Variants in MUC20 observed in about 807,000 individuals in gnomAD.
The protein encoded by MUC20 is mucin-20.
MUC20 carries 14 observed loss-of-function variants against 23.8 expected under a neutral mutation model. The observed-to-expected ratio is 0.59, with a 90% CI of 0.39 to 0.92. The LOEUF (loss-of-function observed/expected upper bound fraction) is 0.92, where lower values mean the gene tolerates loss of function less well. MUC20 is among the 40% of genes least tolerant of loss of function. The probability of loss-of-function intolerance (pLI) is 0.00; values close to 1 mark genes in which losing one functional copy is unlikely to be tolerated. For synonymous variants in MUC20, 166 were observed against 279.3 expected (o/e 0.59, Z 4.04); for missense variants, 375 against 668.8 (o/e 0.56, Z 4.85).
At chr3:195,730,027 A>G (rs1713206680) in intron 3 of MUC20, 2 of 362,452 alleles carry the variant, frequency 5.5e-6, no homozygotes, top group East Asian at 4.9e-5. Flanking sequence ...GGCAAAGGTC[A>G]GTGATACTGA....
chr3:195,726,664 C>G (rs1712718852), intron 2 of MUC20, 92 bp downstream of exon 2: 8 of 1,420,494 alleles, frequency 5.6e-6, no homozygotes. Context: ...AGGGAAGGAT[C>G]TGGAGCCTAC....
rs967027205 is a variant in MUC20 at position 195,733,438 on chromosome 3, C to A, written c.*220C>A. The A allele has an allele frequency of 7.0e-7, 1 of 1,427,612 alleles. No homozygotes were observed. Among genetic ancestry groups the A allele is most frequent in the African/African-American group, 1.4e-5 (1 of 69,798 alleles). 88.4% of individuals were successfully genotyped at this position (1,427,612 alleles called of 1,614,324 possible). On this transcript the variant is annotated 3_prime_UTR_variant, in exon 4 of 4. Coordinates refer to ENST00000447234, the MANE Select transcript of MUC20 (RefSeq NM_001282506.2). Reference sequence around the variant, plus strand: ...TGTGTGGGGAGGGGCTTCACCTGTTCCCAGAGGTGTCCTTGGACTCACCTT... The same window carrying A: ...TGTGTGGGGAGGGGCTTCACCTGTTACCAGAGGTGTCCTTGGACTCACCTT...
chr3:195,729,266 A>G (rs532491568), intron 2 of MUC20: 28 of 232,974 alleles, frequency 1.2e-4, no homozygotes, highest in South Asian at 7.0e-5. Context: ...TTTTCTGCAC[A>G]TGAAATGTAC....
chr3:195,728,673 C>A (rs1383740916), intron 2 of MUC20, among the ~76,000 whole-genome samples: 1 of 152,062 alleles, frequency 6.6e-6, no homozygotes, highest in East Asian at 1.9e-4. Flanking sequence ...TCAGCACAGA[C>A]CCTTTACGGG....
At position 195,726,532 on chromosome 3, in the gene MUC20, C is replaced by G; in HGVS notation, c.1929C>G (p.Pro643=). 6.2e-7 allele frequency: 1 copy of G among 1,614,038 alleles called. No homozygotes were observed. Among genetic ancestry groups the G allele is most frequent in the Non-Finnish European group, 8.5e-7 (1 of 1,179,866 alleles). The part of the protein sequence containing the change: ...KTTMKPPTAT[P]TTARTRPTTD... ...CGATGAAGCCCCCAACAGCCACGCC[C>G]ACGACTGCCCGGACGAGGCCGACCA... is the stretch of plus-strand genomic sequence containing the variant. The change falls in exon 2 of 4, where the codon CCC becomes CCG. Residue 643 remains proline (P), a synonymous_variant. Transcript: ENST00000447234.
chr3:195,731,733 T>TGA (rs1429965002), intron 3 of MUC20, among the ~76,000 whole-genome samples: 3 of 152,030 alleles, frequency 2.0e-5, no homozygotes, highest in Non-Finnish European at 4.4e-5. Flanking sequence ...TTTGATAGGC[T>TGA]GAGCTTAGCC....
intron 2 of MUC20, among the ~76,000 whole-genome samples, chr3:195,727,175 G>A (rs1206867721): frequency 1.9e-4 from 29 of 152,360 alleles, no homozygotes; most frequent in African/African-American, 5.1e-4. Flanking sequence ...AGAGGCCGGC[G>A]GATCACCTGA....
chr3:195,729,194 G>A (rs573381765), intron 2 of MUC20: 1 of 169,170 alleles, frequency 5.9e-6, no homozygotes, highest in African/African-American at 2.4e-5. Context: ...TTTCTCCCCT[G>A]GCTGTGCCCC....
chr3:195,732,010 G>GTTTTA, intron 3 of MUC20, among the ~76,000 whole-genome samples: 1 of 129,856 alleles, frequency 7.7e-6, no homozygotes. Flanking sequence ...GTTTTGTTTT[G>GTTTTA]TTTTGTTTTC....
chr3:195,729,633 GTT>G lies in MUC20; in HGVS notation c.1970-14_1970-13del, dbSNP rs1178131864. The G allele has an allele frequency of 6.4e-7, 1 of 1,565,422 alleles. No individual in the cohort carries two copies. The highest frequency in any genetic ancestry group is 1.9e-5 in the Admixed American group (1 of 53,380). The stretch of plus-strand genomic sequence containing the variant: ...GCCCAGCCCTGATTTTCATCTTACT[GTT>G]CTCCATTTGCAGGTGAAAATGGAGG... On this transcript the variant is annotated splice_polypyrimidine_tract_variant and intron_variant, in intron 2 of 3. Transcript: ENST00000447234.
Position 195,726,225 on chromosome 3 carries a change from C to G in MUC20, c.1622C>G (p.Pro541Arg). ...ACCTCAGCCCTCTCTGTTGAGACAC[C>G]AAGTTACGTCAAAGTCTCAGGAGCA... Reference protein sequence around the residue: ...EETSALSVETPSYVKVSGAAP... With the variant: ...EETSALSVETRSYVKVSGAAP... The change falls in exon 2 of 4, where the codon CCA becomes CGA. Residue 541 changes from proline to arginine, a missense_variant. By Grantham distance (103) the Pro-to-Arg change is moderately radical. Transcript: ENST00000447234. 1 of 1,613,554 alleles carries G rather than the reference C, an allele frequency of 6.2e-7. No individual in the cohort carries two copies.
chr3:195,726,024 TCACAG>T lies in MUC20; in HGVS notation c.1423_1427del (p.Thr475LeufsTer17). The T allele has an allele frequency of 6.2e-7, 1 of 1,613,966 alleles. No individual in the cohort carries two copies. The highest frequency in any genetic ancestry group is 8.5e-7 in the Non-Finnish European group (1 of 1,179,884). On this transcript the variant is annotated frameshift_variant, in exon 2 of 4. Transcript: ENST00000447234. LOFTEE classifies it high-confidence loss of function. ...GAAGCAAAACCACACATCACTGAGG[TCACAG>T]CCTCTGCCGAGACCCTGTCCACAGC... is the stretch of plus-strand genomic sequence containing the variant.
At position 195,733,491 on chromosome 3, in the gene MUC20, G is replaced by A; in HGVS notation, c.*273G>A. On this transcript the variant is annotated 3_prime_UTR_variant, in exon 4 of 4. Transcript: ENST00000447234. The stretch of plus-strand genomic sequence containing the variant: ...CACATGTTCTGTGTTTCAGTAAAGA[G>A]AGACCTGATCACCCATCTGTGTGCT... 2 of 1,391,820 alleles carry A rather than the reference G, an allele frequency of 1.4e-6. No homozygotes were observed. The highest frequency in any genetic ancestry group is 3.4e-5 in the South Asian group (2 of 58,476). 86.2% of individuals were successfully genotyped at this position (1,391,820 alleles called of 1,614,324 possible).
intron 2 of MUC20, among the ~76,000 whole-genome samples, chr3:195,729,140 T>C (rs1476503984): frequency 6.6e-6 from 1 of 152,262 alleles, no homozygotes; most frequent in African/African-American, 2.4e-5. Context: ...GACATTCATA[T>C]GATTTGAAAT....
rs1713616766 is a variant in MUC20 at position 195,733,538 on chromosome 3, C to G, written c.*320C>G. On this transcript the variant is annotated 3_prime_UTR_variant, in exon 4 of 4. Transcript: ENST00000447234. ...TGCTTCCATCCTGCATTAAAATTCA[C>G]TCAGTGTGGCCCAGAGGCTGTCTAT... The G allele has an allele frequency of 1.5e-6, 2 of 1,318,634 alleles. No individual in the cohort carries two copies. Among genetic ancestry groups the G allele is most frequent in the East Asian group, 6.8e-5 (2 of 29,376 alleles). The allele number at this position is 1,318,634 out of a possible 1,614,324, so 81.7% of individuals were successfully genotyped here. A position where few individuals can be genotyped will look rare whatever the true frequency, so the allele number is the denominator to read the frequency against.
intron 2 of MUC20, among the ~76,000 whole-genome samples, chr3:195,727,048 A>C (rs1347498056): frequency 2.0e-5 from 3 of 152,290 alleles, no homozygotes; most frequent in Non-Finnish European, 4.4e-5. Flanking sequence ...GGACCCCATG[A>C]AAGTGGGGCC....
Position 195,726,105 on chromosome 3 carries a change from C to A in MUC20, c.1502C>A (p.Pro501His). Reference sequence around the variant, plus strand: ...GATGCCACGGTTGGGACCCCACTCCCCACTAACAGCGCCACAGAAAGAGAA... The same window carrying A: ...GATGCCACGGTTGGGACCCCACTCCACACTAACAGCGCCACAGAAAGAGAA... ...APDATVGTPL[P>H]TNSATEREVT... Residue 501 changes from proline to histidine, a missense_variant, in exon 2 of 4, where the codon CCC (proline) becomes CAC (histidine). By Grantham distance (77) the Pro-to-His change is moderately conservative. Transcript: ENST00000447234. 6.2e-7 allele frequency: 1 copy of A among 1,609,836 alleles called. No homozygotes were observed. Among genetic ancestry groups the A allele is most frequent in the Non-Finnish European group, 8.5e-7 (1 of 1,176,566 alleles).
intron 2 of MUC20, among the ~76,000 whole-genome samples, chr3:195,728,986 C>T (rs1156387825): frequency 1.1e-4 from 17 of 152,274 alleles, no homozygotes; most frequent in Admixed American, 1.1e-3. Flanking sequence ...AAATTAACAA[C>T]ATCTCAGCAA....
At chr3:195,721,279 C>T (rs1232237548) in intron 1 of MUC20, among the ~76,000 whole-genome samples, 196 bp downstream of exon 1, 11 of 151,832 alleles carry the variant, frequency 7.2e-5, no homozygotes, top group Non-Finnish European at 1.0e-4. Flanking sequence ...GCGTGCATGG[C>T]GCTGCAGTAC....
Sources: allele counts gnomAD v4.1 joint callset (sites outside exome capture counted in the v4.1 genomes callset), GRCh38; gene constraint gnomAD v4.1.1; transcripts MANE v1.5; gene names NCBI Gene and HGNC (gene_info 2026-07-23, HGNC 2026-07-21).